Variants in PANK2 observed in about 807,000 individuals in gnomAD.
The protein encoded by PANK2 is pantothenate kinase 2, mitochondrial.
In PANK2, 36 loss-of-function variants were observed where a neutral mutation model predicts 43.1. That is an observed-to-expected ratio of 0.84 (90% CI 0.64 to 1.10). The LOEUF (loss-of-function observed/expected upper bound fraction) is 1.10, where lower values mean the gene tolerates loss of function less well. Ranked by LOEUF, PANK2 falls within the 50% of genes least tolerant of loss-of-function variation. PANK2 has a pLI of 0.00. For missense variants in PANK2, 576 were observed against 593.3 expected (o/e 0.97, Z 0.30); for synonymous variants, 281 against 238.2 (o/e 1.18, Z -1.66).
chr20:3,922,249 G>C (rs1306129254), intron 6 of PANK2, among the ~76,000 whole-genome samples: 10 of 152,194 alleles, frequency 6.6e-5, no homozygotes, highest in Non-Finnish European at 1.3e-4. Context: ...GATGGATTCT[G>C]CATCGTTTTA....
At chr20:3,904,433 G>A (rs1378891237) in intron 1 of PANK2, among the ~76,000 whole-genome samples, 1 of 151,286 alleles carries the variant, frequency 6.6e-6, no homozygotes, top group African/African-American at 2.4e-5. Flanking sequence ...AGCTGGCATG[G>A]TTGTGTTCCT....
rs2090347217 is a variant in PANK2, at chr20:3,903,994, C to T, written c.299-3932C>T. On this transcript the variant is annotated intron_variant, in intron 1 of 6. Transcript: ENST00000610179. ...CATACTTTAGTACAATATGATTTCA[C>T]CATATTGGTCAGGCTGCTCTTGAAC... Among the ~76,000 whole-genome samples the T allele has an allele frequency of 3.9e-5, 6 of 151,906 alleles. No homozygotes were observed. In the South Asian group the frequency reaches 1.2e-3, roughly 32 times the overall value.
At chr20:3,914,056 T>A (rs560282971) in intron 4 of PANK2, among the ~76,000 whole-genome samples, 20 of 152,196 alleles carry the variant, frequency 1.3e-4, no homozygotes, top group African/African-American at 1.9e-4. Flanking sequence ...CCCAAAGTGC[T>A]GGGATTACAG....
upstream of PANK2, chr20:3,888,942 C>T (rs2090058517): frequency 4.1e-5 from 23 of 566,266 alleles, no homozygotes; most frequent in South Asian, 6.3e-4. Flanking sequence ...TGCCGACGAC[C>T]AGCGGCCAGA....
intron 5 of PANK2, 148 bp downstream of exon 5, chr20:3,917,198 A>C: frequency 3.3e-6 from 3 of 917,478 alleles, no homozygotes; most frequent in Non-Finnish European, 5.0e-6. Context: ...CTTCAAATAC[A>C]GATTAATCTT....
chr20:3,894,230 C>CTGAAGGT, intron 1 of PANK2, among the ~76,000 whole-genome samples: 1 of 149,662 alleles, frequency 6.7e-6, no homozygotes, highest in South Asian at 2.1e-4. Flanking sequence ...CGTGCCTGAC[C>CTGAAGGT]GAAAAGATGT....
chr20:3,891,622 C>T (rs910066681), intron 1 of PANK2, among the ~76,000 whole-genome samples: 1 of 152,082 alleles, frequency 6.6e-6, no homozygotes, highest in Non-Finnish European at 1.5e-5. Context: ...CTTTTGTGTT[C>T]AAGACTGACT....
At chr20:3,914,123 C>T (rs1479679332) in intron 4 of PANK2, among the ~76,000 whole-genome samples, 1 of 151,834 alleles carries the variant, frequency 6.6e-6, no homozygotes, top group Non-Finnish European at 1.5e-5. Context: ...GGGTATATAC[C>T]TGAGAGTAGA....
chr20:3,909,902 A>G (rs763504299), intron 2 of PANK2, among the ~76,000 whole-genome samples: 9 of 151,964 alleles, frequency 5.9e-5, no homozygotes, highest in Non-Finnish European at 1.3e-4. Context: ...GATCCTCTTC[A>G]TTTTTAGTTG....
rs1440035292 is a variant in PANK2, at chr20:3,926,927, A to G, written c.*3633A>G. 1 of 141,316 alleles carries G rather than the reference A, an allele frequency of 7.1e-6. No homozygotes were observed. The highest frequency in any genetic ancestry group is 1.5e-5 in the Non-Finnish European group (1 of 67,012). The allele number at this position is 141,316 out of a possible 1,614,324, so 8.8% of individuals were successfully genotyped here. ...TGCACTGCACTCCAGCCTGGGTGACAGCAAGACTGTCTCAAAAAAAAAAAA... is the reference window on the plus strand; with the variant it reads ...TGCACTGCACTCCAGCCTGGGTGACGGCAAGACTGTCTCAAAAAAAAAAAA... On this transcript the variant is annotated 3_prime_UTR_variant, in exon 7 of 7. Coordinates refer to ENST00000610179, the MANE Select transcript of PANK2 (RefSeq NM_001386393.1).
In PANK2 at chr20:3,924,052, G is replaced by A. The variant is rs1362710842; in HGVS notation, c.*758G>A. On this transcript the variant is annotated 3_prime_UTR_variant, in exon 7 of 7. Transcript: ENST00000610179. ...TGACACCCCCTCAGGGGATCAGGGA[G>A]AATCTGGTTTTTCTTTCAGGCTAAG... The A allele has an allele frequency of 6.6e-6, 1 of 152,428 alleles. No homozygotes were observed. The highest frequency in any genetic ancestry group is 1.9e-4 in the East Asian group (1 of 5,204). 9.4% of individuals were successfully genotyped at this position (152,428 alleles called of 1,614,324 possible). A position where few individuals can be genotyped will look rare whatever the true frequency, so the allele number is the denominator to read the frequency against.
rs2090675690 is a variant in PANK2, at chr20:3,923,304, GGGGA to G, written c.*14_*17del. 6.2e-7 allele frequency: 1 copy of G among 1,613,934 alleles called. No individual in the cohort carries two copies. The highest frequency in any genetic ancestry group is 1.7e-5 in the Admixed American group (1 of 60,002). On this transcript the variant is annotated 3_prime_UTR_variant, in exon 7 of 7. Coordinates refer to ENST00000610179, the MANE Select transcript of PANK2 (RefSeq NM_001386393.1). The stretch of plus-strand genomic sequence containing the variant: ...GTTGAAGATCCCGTGATCATTACCT[GGGGA>G]GGGGTTCCTGAAACCTTCCACAATG...
intron 1 of PANK2, among the ~76,000 whole-genome samples, chr20:3,906,552 T>A (rs1049786029): frequency 3.3e-5 from 5 of 152,140 alleles, no homozygotes; most frequent in Non-Finnish European, 7.4e-5. Context: ...TTGGGCAAAA[T>A]CTTCTAGCAT....
intron 1 of PANK2, among the ~76,000 whole-genome samples, chr20:3,907,088 C>T (rs1028249910): frequency 3.4e-5 from 5 of 148,246 alleles, no homozygotes; most frequent in African/African-American, 1.2e-4. Flanking sequence ...AGCCACCGTG[C>T]CCAGCCCTGC....
intron 1 of PANK2, among the ~76,000 whole-genome samples, chr20:3,903,572 TC>T (rs1318360788): frequency 6.6e-6 from 1 of 151,228 alleles, no homozygotes. Flanking sequence ...TTCAAGTGAT[TC>T]TCCTGCCTCA....
chr20:3,901,684 T>C, intron 1 of PANK2: 1 of 835,616 alleles, frequency 1.2e-6, no homozygotes. Flanking sequence ...TTCTTAAAGC[T>C]CTTGGATTAA....
chr20:3,910,792 A>G lies in PANK2; in HGVS notation c.867A>G (p.Val289=), dbSNP rs2090457503. 2.5e-6 allele frequency: 4 copies of G among 1,614,174 alleles called. No individual in the cohort carries two copies. The highest frequency in any genetic ancestry group is 3.4e-6 in the Non-Finnish European group (4 of 1,180,002). The change falls in exon 3 of 7, where the codon GTA becomes GTG. Residue 289 remains valine (V), a synonymous_variant. Transcript: ENST00000610179. ...GCTCAGGGGTTAGCATCTTAGCAGT[A>G]TATTCCAAAGATAATTACAAACGGG...
At chr20:3,894,085 C>T (rs564450690) in intron 1 of PANK2, among the ~76,000 whole-genome samples, 1 of 151,894 alleles carries the variant, frequency 6.6e-6, no homozygotes, top group Non-Finnish European at 1.5e-5. Flanking sequence ...GCATGTACCA[C>T]CATGGCCAAC....
intron 1 of PANK2, chr20:3,901,692 T>TA (rs925443809): frequency 3.7e-5 from 29 of 783,906 alleles, no homozygotes; most frequent in East Asian, 1.3e-4. Context: ...GCTCTTGGAT[T>TA]AAAAAAAAGT....
Sources: allele counts gnomAD v4.1 joint callset (sites outside exome capture counted in the v4.1 genomes callset), GRCh38; gene constraint gnomAD v4.1.1; transcripts MANE v1.5; gene names NCBI Gene and HGNC (gene_info 2026-07-23, HGNC 2026-07-21).